SNTG1: variants seen among roughly 807,000 people sequenced by gnomAD.
SNTG1 encodes gamma-1-syntrophin.
Under a neutral mutation model 74.7 loss-of-function variants are expected in SNTG1, and 39 were observed. The observed-to-expected ratio is 0.52, with a 90% CI of 0.40 to 0.68. The LOEUF (loss-of-function observed/expected upper bound fraction) is 0.68. Ranked by LOEUF, SNTG1 falls within the 30% of genes least tolerant of loss-of-function variation. The pLI, the probability that SNTG1 is intolerant of heterozygous loss-of-function variation, is 0.00. For missense variants in SNTG1, 685 were observed against 609.5 expected, an observed-to-expected ratio of 1.12 and a Z score of -1.30; for synonymous variants, 254 against 217.1, an observed-to-expected ratio of 1.17 and a Z score of -1.49.
chr8:50,330,959 C>T (rs981012816), intron 2 of SNTG1, among the ~76,000 whole-genome samples: 30 of 152,258 alleles, frequency 2.0e-4, no homozygotes, highest in African/African-American at 7.0e-4. Context: ...GGACATAGAG[C>T]TAAACCATAT....
intron 13 of SNTG1, among the ~76,000 whole-genome samples, chr8:50,653,112 TTTTATTTA>T (rs527490993): frequency 4.0e-5 from 6 of 151,866 alleles, no homozygotes; most frequent in African/African-American, 1.2e-4. Flanking sequence ...TTTGTTTTTA[TTTTATTTA>T]TTTATTTATT....
intron 17 of SNTG1, among the ~76,000 whole-genome samples, chr8:50,718,588 G>C (rs185770760): frequency 6.6e-6 from 1 of 152,042 alleles, no homozygotes; most frequent in Non-Finnish European, 1.5e-5. Context: ...TCTTGTAAAG[G>C]GCAAAGGGAG....
chr8:50,401,587 C>CTG (rs150210446), intron 3 of SNTG1, among the ~76,000 whole-genome samples: 7,441 of 150,370 alleles, frequency 0.049, 211 homozygotes, highest in Middle Eastern at 0.095. Context: ...TAGGTATAAA[C>CTG]TGTGTGTGTG....
chr8:50,276,178 C>A (rs1442951013), intron 2 of SNTG1, among the ~76,000 whole-genome samples: 1 of 152,058 alleles, frequency 6.6e-6, no homozygotes, highest in East Asian at 1.9e-4. Flanking sequence ...AGGCCCACGG[C>A]ATTCTGCTTG....
At chr8:50,480,925 CTA>C (rs1158551662) in intron 8 of SNTG1, among the ~76,000 whole-genome samples, 8 of 152,300 alleles carry the variant, frequency 5.3e-5, no homozygotes, top group Admixed American at 2.0e-4. Context: ...AATTACCACA[CTA>C]TTTTTATTAA....
chr8:50,205,312 G>A (rs1177217363), intron 2 of SNTG1, among the ~76,000 whole-genome samples: 1 of 152,174 alleles, frequency 6.6e-6, no homozygotes, highest in Non-Finnish European at 1.5e-5. Context: ...GCATTTCTCT[G>A]ATGGCCAATG....
chr8:50,134,683 C>T (rs919151701), intron 1 of SNTG1, among the ~76,000 whole-genome samples: 2 of 151,980 alleles, frequency 1.3e-5, no homozygotes, highest in African/African-American at 4.8e-5. Flanking sequence ...ATGAGAGACG[C>T]TGAGGTGTGA....
At chr8:50,737,469 C>G (rs2131644612) in intron 17 of SNTG1, among the ~76,000 whole-genome samples, 1 of 152,246 alleles carries the variant, frequency 6.6e-6, no homozygotes, top group Middle Eastern at 3.4e-3. Context: ...CAGCAGAATT[C>G]AACCAGAGTT....
chr8:50,472,905 A>G lies in SNTG1; in HGVS notation c.363+22176A>G, dbSNP rs143852042. On this transcript the variant is annotated intron_variant, in intron 8 of 18. Coordinates refer to ENST00000642720, the MANE Select transcript of SNTG1 (RefSeq NM_018967.5). The stretch of plus-strand genomic sequence containing the variant: ...ACATTTCTCCAAAAAATATACACAA[A>G]TGGCCAAAAAAACATATGAAAAAAT... Among the ~76,000 whole-genome samples, 1,084 of 152,166 alleles carry G rather than the reference A, an allele frequency of 7.1e-3. 12 individuals are homozygous for G. The highest frequency in any genetic ancestry group is 0.025 in the African/African-American group (1,016 of 41,450).
chr8:50,483,648 G>A (rs2093758936), intron 8 of SNTG1, among the ~76,000 whole-genome samples: 1 of 152,126 alleles, frequency 6.6e-6, no homozygotes, highest in Non-Finnish European at 1.5e-5. Flanking sequence ...GGAAATGACA[G>A]TATATGGCAG....
chr8:49,969,649 G>A (rs1428389874), intron 1 of SNTG1, among the ~76,000 whole-genome samples: 2 of 151,790 alleles, frequency 1.3e-5, no homozygotes, highest in African/African-American at 2.4e-5. Context: ...CACCGGCCTC[G>A]TTCTCCCAAA....
At chr8:50,560,880 G>A (rs148662880) in intron 12 of SNTG1, among the ~76,000 whole-genome samples, 7 of 151,988 alleles carry the variant, frequency 4.6e-5, no homozygotes, top group African/African-American at 1.7e-4. Context: ...AATAAAATTT[G>A]ATAAAATAAA....
chr8:50,380,847 T>G (rs1349606973), intron 2 of SNTG1, among the ~76,000 whole-genome samples: 1 of 152,232 alleles, frequency 6.6e-6, no homozygotes, highest in Non-Finnish European at 1.5e-5. Flanking sequence ...GAGTGTTAGA[T>G]TTAATCATAA....
intron 1 of SNTG1, among the ~76,000 whole-genome samples, chr8:50,061,888 C>T (rs774324846): frequency 3.0e-4 from 45 of 151,998 alleles, no homozygotes; most frequent in Admixed American, 3.3e-4. Context: ...TGTGGTCATT[C>T]TTGGTGAATG....
At chr8:49,910,812 A>T (rs994440720), upstream of SNTG1, 1 of 152,222 alleles carries the variant, frequency 6.6e-6, no homozygotes, top group Non-Finnish European at 1.5e-5. Context: ...AAAGGCAGAG[A>T]TTGTCGAGCC....
intron 1 of SNTG1, among the ~76,000 whole-genome samples, chr8:50,078,576 G>T (rs140601413): frequency 6.6e-6 from 1 of 151,868 alleles, no homozygotes; most frequent in African/African-American, 2.4e-5. Flanking sequence ...TTAAGTTCTG[G>T]GATACACCTG....
chr8:50,593,537 G>GA (rs1033338882), intron 13 of SNTG1, among the ~76,000 whole-genome samples: 90 of 149,156 alleles, frequency 6.0e-4, no homozygotes, highest in African/African-American at 1.4e-3. Context: ...GTTCAAAAAT[G>GA]AAAAAAAAAC....
At chr8:50,753,364 C>G (rs543107797) in intron 18 of SNTG1, among the ~76,000 whole-genome samples, 2 of 152,052 alleles carry the variant, frequency 1.3e-5, no homozygotes, top group South Asian at 4.2e-4. Context: ...CTTAATCTTT[C>G]AAAGCACAGC....
At chr8:49,919,687 T>TA (rs923835711) in intron 1 of SNTG1, among the ~76,000 whole-genome samples, 5 of 152,118 alleles carry the variant, frequency 3.3e-5, no homozygotes, top group East Asian at 1.9e-4. Context: ...ACAAGTGGAT[T>TA]AAAAAATCAT....
Sources: allele counts gnomAD v4.1 joint callset (sites outside exome capture counted in the v4.1 genomes callset), GRCh38; gene constraint gnomAD v4.1.1; transcripts MANE v1.5; gene names NCBI Gene and HGNC (gene_info 2026-07-23, HGNC 2026-07-21).